Variants in SPAG9 observed in about 807,000 individuals in gnomAD.
SPAG9 encodes C-Jun-amino-terminal kinase-interacting protein 4.
In SPAG9, 35 loss-of-function variants were observed where a neutral mutation model predicts 166.5. The observed-to-expected ratio is 0.21, with a 90% confidence interval of 0.16 to 0.28. The LOEUF (loss-of-function observed/expected upper bound fraction) is 0.28. Ranked by LOEUF, SPAG9 falls within the 10% of genes least tolerant of loss-of-function variation. The probability of loss-of-function intolerance (pLI) is 1.00; values close to 1 mark genes in which losing one functional copy is unlikely to be tolerated. For synonymous variants in SPAG9, 534 were observed against 565.5 expected (o/e 0.94, Z 0.79); for missense variants, 1,235 against 1,603.3 (o/e 0.77, Z 3.92).
intron 5 of SPAG9, among the ~76,000 whole-genome samples, chr17:51,035,067 T>C (rs1460530841): frequency 6.6e-6 from 1 of 152,202 alleles, no homozygotes; most frequent in Non-Finnish European, 1.5e-5. Flanking sequence ...CCCTGCACTT[T>C]GGCAGACTGA....
intron 25 of SPAG9, 57 bp from the exon 26 acceptor site, chr17:50,979,974 A>C: frequency 6.5e-7 from 1 of 1,543,442 alleles, no homozygotes; most frequent in Non-Finnish European, 8.9e-7. Flanking sequence ...TTCATATTTA[A>C]AACTGTGCTA....
chr17:51,066,157 G>A (rs1428782988), intron 2 of SPAG9, among the ~76,000 whole-genome samples: 1 of 151,422 alleles, frequency 6.6e-6, no homozygotes, highest in Non-Finnish European at 1.5e-5. Flanking sequence ...CCAGGCTGGA[G>A]TGCAATGGCA....
At chr17:51,112,216 A>G (rs2049133139) in intron 1 of SPAG9, among the ~76,000 whole-genome samples, 1 of 151,994 alleles carries the variant, frequency 6.6e-6, no homozygotes, top group African/African-American at 2.4e-5. Flanking sequence ...TACTCTGGCT[A>G]GGGGCAGTGT....
intron 1 of SPAG9, among the ~76,000 whole-genome samples, chr17:51,089,761 T>C (rs2048416242): frequency 6.7e-6 from 1 of 149,160 alleles, no homozygotes; most frequent in African/African-American, 2.5e-5. Flanking sequence ...CTGCAACCTC[T>C]GCCTACCAGA....
chr17:51,025,136 T>C (rs1188706485), intron 6 of SPAG9, among the ~76,000 whole-genome samples: 2 of 151,326 alleles, frequency 1.3e-5, no homozygotes, highest in African/African-American at 4.9e-5. Flanking sequence ...TTGGCCAACA[T>C]GGGGAAACCC....
intron 1 of SPAG9, among the ~76,000 whole-genome samples, chr17:51,101,615 C>CA (rs1555661074): frequency 6.8e-6 from 1 of 147,422 alleles, no homozygotes; most frequent in Non-Finnish European, 1.5e-5. Context: ...CATAATAGTC[C>CA]TTTTTTTTTT....
chr17:51,028,294 G>A (rs1050385532), intron 6 of SPAG9, among the ~76,000 whole-genome samples: 7 of 152,108 alleles, frequency 4.6e-5, no homozygotes, highest in African/African-American at 1.7e-4. Flanking sequence ...TAGTTTAAGT[G>A]GACAGCATTT....
At chr17:51,077,390 G>A (rs1237492417) in intron 2 of SPAG9, among the ~76,000 whole-genome samples, 1 of 151,824 alleles carries the variant, frequency 6.6e-6, no homozygotes, top group African/African-American at 2.4e-5. Context: ...CCAAAGTGCT[G>A]GGATTACAGG....
intron 9 of SPAG9, among the ~76,000 whole-genome samples, 195 bp downstream of exon 9, chr17:51,014,037 A>C (rs2045599090): frequency 6.6e-6 from 1 of 152,248 alleles, no homozygotes. Context: ...TTCAGTTTTA[A>C]GCATACCCAT....
At chr17:50,971,372 A>G (rs1973790085) in intron 28 of SPAG9, among the ~76,000 whole-genome samples, 1 of 151,750 alleles carries the variant, frequency 6.6e-6, no homozygotes, top group African/African-American at 2.4e-5. Context: ...AAGTAAAGCA[A>G]TTTTGTAACA....
chr17:51,115,376 G>C (rs2049255516), intron 1 of SPAG9, among the ~76,000 whole-genome samples: 1 of 150,792 alleles, frequency 6.6e-6, no homozygotes, highest in African/African-American at 2.4e-5. Context: ...GGTTTTTGGG[G>C]AAGAGGGGTC....
intron 5 of SPAG9, among the ~76,000 whole-genome samples, chr17:51,037,475 C>T (rs1400228813): frequency 6.0e-5 from 9 of 150,922 alleles, no homozygotes; most frequent in Non-Finnish European, 3.0e-5. Context: ...TAGCCAGGCA[C>T]GGTGGTGGAC....
intron 15 of SPAG9, 178 bp downstream of exon 15, chr17:50,998,266 G>C: frequency 2.1e-6 from 1 of 474,180 alleles, no homozygotes; most frequent in Non-Finnish European, 3.8e-6. Context: ...TCCTGACCTT[G>C]TGATCCGCCC....
chr17:51,053,186 C>T (rs975448248), intron 3 of SPAG9, among the ~76,000 whole-genome samples: 5 of 150,184 alleles, frequency 3.3e-5, no homozygotes, highest in African/African-American at 1.2e-4. Context: ...TCAATTACTT[C>T]CCCCAAATAT....
At chr17:51,031,810 C>T (rs541188584) in intron 5 of SPAG9, 88 bp from the exon 6 acceptor site, 1 of 892,076 alleles carries the variant, frequency 1.1e-6, no homozygotes, top group African/African-American at 1.6e-5. Context: ...TACTATCTCC[C>T]AAGATACAAG....
At chr17:51,118,023 A>T (rs183165217) in intron 1 of SPAG9, among the ~76,000 whole-genome samples, 1 of 151,696 alleles carries the variant, frequency 6.6e-6, no homozygotes, top group Non-Finnish European at 1.5e-5. Flanking sequence ...ACGTGCCTAT[A>T]GTCCCAGCTA....
intron 2 of SPAG9, among the ~76,000 whole-genome samples, chr17:51,069,782 G>C (rs893870909): frequency 6.6e-5 from 10 of 152,058 alleles, no homozygotes; most frequent in African/African-American, 2.4e-4. Context: ...CTAAGATCCT[G>C]ACACAAGATG....
In SPAG9 at chr17:50,993,941, T is replaced by C. The variant is rs191498505; in HGVS notation, c.2227-6A>G. ...TTTAACTCCTTCTGCTGTTCCTGTATAGGCAAAGGAGGAAAAATGTTTAAA... is the reference window on the plus strand; with the variant it reads ...TTTAACTCCTTCTGCTGTTCCTGTACAGGCAAAGGAGGAAAAATGTTTAAA... On this transcript the variant is annotated splice_region_variant and splice_polypyrimidine_tract_variant and intron_variant, in intron 18 of 29. Transcript: ENST00000262013. 7 of 1,612,402 alleles carry C rather than the reference T, an allele frequency of 4.3e-6. No homozygotes were observed. The Admixed American group carries it at 5.0e-5, about 12-fold the overall frequency.
chr17:51,053,856 T>TATAA (rs2047267520), intron 3 of SPAG9, among the ~76,000 whole-genome samples: 1 of 15,446 alleles, frequency 6.5e-5, no homozygotes, highest in Non-Finnish European at 1.0e-4. Context: ...AAAAAAAAAG[T>TATAA]ATATATATAT....
Sources: gnomAD v4.1 joint callset for allele counts (sites outside exome capture counted in the v4.1 genomes callset) on GRCh38, gnomAD v4.1.1 for gene constraint, MANE v1.5 for transcripts, NCBI Gene and HGNC (gene_info 2026-07-23, HGNC 2026-07-21) for gene names.